The following ADARB2 variants were observed in gnomAD, a reference collection of about 807,000 sequenced individuals.
The protein encoded by ADARB2 is adenosine deaminase RNA specific B2 (inactive), also known as inactive double-stranded RNA-specific editase B2.
Under a neutral mutation model 62.2 loss-of-function variants are expected in ADARB2, and 25 were observed. The ratio of observed to expected loss-of-function variants is 0.40; its 90% CI spans 0.29 to 0.56. The LOEUF is 0.56. Among genes scored for constraint, ADARB2 ranks in the 20% least tolerant of loss-of-function variants. ADARB2 has a pLI of 0.43. For synonymous variants in ADARB2, 572 were observed against 500.8 expected (o/e 1.14, Z -1.90); for missense variants, 1,071 against 1,077.4 (o/e 0.99, Z 0.08).
chr10:1,540,630 ACAGCCG>A (rs1832409649), intron 1 of ADARB2, among the ~76,000 whole-genome samples: 1 of 89,572 alleles, frequency 1.1e-5, no homozygotes, highest in South Asian at 4.9e-4. Flanking sequence ...ACCCTGGATC[ACAGCCG>A]TCCAGACCCC....
At chr10:1,545,031 A>G (rs568883054) in intron 1 of ADARB2, among the ~76,000 whole-genome samples, 5 of 147,174 alleles carry the variant, frequency 3.4e-5, no homozygotes, top group Non-Finnish European at 7.5e-5. Context: ...GAAGTCTGGT[A>G]GGCTTGGTGA....
chr10:1,335,499 A>G (rs568826949), intron 3 of ADARB2, among the ~76,000 whole-genome samples: 39 of 144,818 alleles, frequency 2.7e-4, no homozygotes, highest in Non-Finnish European at 5.3e-4. Context: ...GGAAGGGTAG[A>G]AGGACAGATG....
chr10:1,709,341 G>C (rs973857677), intron 1 of ADARB2, among the ~76,000 whole-genome samples: 1 of 152,194 alleles, frequency 6.6e-6, no homozygotes, highest in Admixed American at 6.5e-5. Flanking sequence ...TAAAACTGTA[G>C]TTATGTCTTC....
rs139115476 is a variant in ADARB2, at chr10:1,727,313, G to A, written c.100+9738C>T. Among the ~76,000 whole-genome samples the A allele has an allele frequency of 2.2e-3, 340 of 152,186 alleles. 1 individual carries two copies. The highest frequency in any genetic ancestry group is 7.9e-3 in the African/African-American group (329 of 41,536). The stretch of plus-strand genomic sequence containing the variant: ...GGGAGCCCCGCAGAGCAAAACCAAG[G>A]AAGATGTCTTCTCTGCTCGTCTCGT... On this transcript the variant is annotated intron_variant, in intron 1 of 9. Coordinates refer to ENST00000381312, the MANE Select transcript of ADARB2 (RefSeq NM_018702.4).
At chr10:1,395,548 C>T (rs1031681552) in intron 1 of ADARB2, among the ~76,000 whole-genome samples, 1 of 152,212 alleles carries the variant, frequency 6.6e-6, no homozygotes, top group African/African-American at 2.4e-5. Flanking sequence ...GGCACTTCTC[C>T]CCAGCGGGGC....
At position 1,179,223 on chromosome 10, in the gene ADARB2, T is replaced by C. The variant is rs1836631195; in HGVS notation, c.*3970A>G. On this transcript the variant is annotated 3_prime_UTR_variant, in exon 10 of 10. Coordinates refer to ENST00000381312, the MANE Select transcript of ADARB2 (RefSeq NM_018702.4). ...AACATTATATCCAAAAAAAAAAGCATGCGACTTTGTTGATAAGAAAAGCTC... is the reference window on the plus strand; with the variant it reads ...AACATTATATCCAAAAAAAAAAGCACGCGACTTTGTTGATAAGAAAAGCTC... The C allele has an allele frequency of 6.6e-6, 1 of 150,698 alleles. No homozygotes were observed. The highest frequency in any genetic ancestry group is 1.5e-5 in the Non-Finnish European group (1 of 67,920). 9.3% of individuals were successfully genotyped at this position (150,698 alleles called of 1,614,324 possible).
intron 1 of ADARB2, among the ~76,000 whole-genome samples, chr10:1,425,502 C>T (rs1462490501): frequency 6.6e-6 from 1 of 152,224 alleles, no homozygotes; most frequent in Non-Finnish European, 1.5e-5. Flanking sequence ...GAATGTGTTG[C>T]TGTCCAGGAT....
chr10:1,600,668 A>T (rs1169137828), intron 1 of ADARB2, among the ~76,000 whole-genome samples: 3 of 151,326 alleles, frequency 2.0e-5, no homozygotes, highest in Non-Finnish European at 4.4e-5. Context: ...TCTCAAAAAA[A>T]AAAAAAAAAA....
intron 1 of ADARB2, among the ~76,000 whole-genome samples, chr10:1,726,944 A>G (rs115922076): frequency 0.018 from 2,799 of 152,252 alleles, 85 homozygotes; most frequent in African/African-American, 0.062. Context: ...GGCAAACCAC[A>G]TTCAGACTTG....
Position 1,387,395 on chromosome 10 carries a change from T to G in ADARB2, c.101-8235A>C, listed in dbSNP as rs111699563. Among the ~76,000 whole-genome samples the G allele has an allele frequency of 6.2e-3, 938 of 152,044 alleles. 11 individuals carry two copies. Among genetic ancestry groups the G allele is most frequent in the African/African-American group, 0.021 (865 of 41,520 alleles). ...ATGAAAAAGGAGAAAAAAACTTCCA[T>G]GTTTTCTAATTAGAAATAAATGAGG... is the stretch of plus-strand genomic sequence containing the variant. On this transcript the variant is annotated intron_variant, in intron 1 of 9. Coordinates refer to ENST00000381312, the MANE Select transcript of ADARB2 (RefSeq NM_018702.4).
At chr10:1,289,246 C>T (rs780950098) in intron 3 of ADARB2, among the ~76,000 whole-genome samples, 9 of 152,160 alleles carry the variant, frequency 5.9e-5, no homozygotes, top group South Asian at 2.1e-4. Flanking sequence ...TGAGTTGTCC[C>T]GTCTTTCCAG....
At chr10:1,187,174 G>A (rs947487922) in intron 8 of ADARB2, among the ~76,000 whole-genome samples, 1 of 152,244 alleles carries the variant, frequency 6.6e-6, no homozygotes, top group Non-Finnish European at 1.5e-5. Context: ...CACGGTGGCA[G>A]CTGCCACCCC....
At chr10:1,352,749 T>C (rs2131844953) in intron 3 of ADARB2, among the ~76,000 whole-genome samples, 1 of 152,326 alleles carries the variant, frequency 6.6e-6, no homozygotes, top group African/African-American at 2.4e-5. Flanking sequence ...TTACTCTTTG[T>C]TGAGTCTCCC....
chr10:1,241,653 A>G (rs2131776676), intron 5 of ADARB2, among the ~76,000 whole-genome samples: 1 of 152,320 alleles, frequency 6.6e-6, no homozygotes, highest in East Asian at 1.9e-4. Context: ...CAGGCCAGGG[A>G]ACCCTGGGAA....
chr10:1,213,860 G>A (rs1328233628), intron 7 of ADARB2, among the ~76,000 whole-genome samples: 2 of 152,210 alleles, frequency 1.3e-5, no homozygotes, highest in African/African-American at 4.8e-5. Context: ...GTTTGCATCT[G>A]TGTCCAGCAT....
intron 1 of ADARB2, among the ~76,000 whole-genome samples, chr10:1,450,557 T>C (rs886395051): frequency 9.2e-5 from 14 of 152,258 alleles, no homozygotes; most frequent in Admixed American, 2.0e-4. Context: ...TACCGTTTGC[T>C]GGCTCCTTTT....
At position 1,208,609 on chromosome 10, in the gene ADARB2, G is replaced by A. The variant is rs1359386008; in HGVS notation, c.1682+8342C>T. 8.5e-5 allele frequency among the ~76,000 whole-genome samples: 13 copies of A among 152,352 alleles called. No homozygotes were observed. In the East Asian group the frequency reaches 2.1e-3, roughly 25 times the overall value. On this transcript the variant is annotated intron_variant, in intron 7 of 9. Transcript: ENST00000381312. ...CCTCAGGGACATGGGACTCTAGAGC[G>A]TCCTCTCATGGCCTGGACCCCCAGT...
Position 1,187,657 on chromosome 10 carries a change from C to T in ADARB2, c.1865-2618G>A, listed in dbSNP as rs146926750. ...GCCGTCTGACGGGGTTTCCTCCCAA[C>T]GCTCCTGGCTGCCAGGCATGACGAG... is the stretch of plus-strand genomic sequence containing the variant. On this transcript the variant is annotated intron_variant, in intron 8 of 9. Coordinates refer to ENST00000381312, the MANE Select transcript of ADARB2 (RefSeq NM_018702.4). Among the ~76,000 whole-genome samples, 248 of 152,356 alleles carry T rather than the reference C, an allele frequency of 1.6e-3. 2 individuals carry two copies. The highest frequency in any genetic ancestry group is 5.1e-3 in the African/African-American group (213 of 41,588).
At chr10:1,710,495 G>C (rs1389929685) in intron 1 of ADARB2, among the ~76,000 whole-genome samples, 1 of 149,350 alleles carries the variant, frequency 6.7e-6, no homozygotes, top group Non-Finnish European at 1.5e-5. Context: ...GGAGGGATAA[G>C]GATGAGATGC....
Sources: gnomAD v4.1 joint callset for allele counts (sites outside exome capture counted in the v4.1 genomes callset) on GRCh38, gnomAD v4.1.1 for gene constraint, MANE v1.5 for transcripts, NCBI Gene and HGNC (gene_info 2026-07-23, HGNC 2026-07-21) for gene names.